The following FRMD6 variants were observed in gnomAD, a reference collection of about 807,000 sequenced individuals.
The protein encoded by FRMD6 is FERM domain containing 6.
In FRMD6, 37 loss-of-function variants were observed where a neutral mutation model predicts 73.2. The ratio of observed to expected loss-of-function variants is 0.51; its 90% CI spans 0.39 to 0.66. The LOEUF (loss-of-function observed/expected upper bound fraction) is 0.66. FRMD6 is among the 30% of genes least tolerant of loss of function. The pLI, the probability that FRMD6 is intolerant of heterozygous loss-of-function variation, is 0.00. For missense variants in FRMD6, 714 were observed against 780.5 expected (o/e 0.91, Z 1.02); for synonymous variants, 273 against 282.2 (o/e 0.97, Z 0.33).
At chr14:51,526,808 T>C (rs1885281851) in intron 1 of FRMD6, among the ~76,000 whole-genome samples, 1 of 152,246 alleles carries the variant, frequency 6.6e-6, no homozygotes, top group African/African-American at 2.4e-5. Flanking sequence ...CGTTGAATTG[T>C]AAGGGCTTTG....
chr14:51,506,130 T>C (rs1029518400), intron 1 of FRMD6, among the ~76,000 whole-genome samples: 11 of 152,226 alleles, frequency 7.2e-5, no homozygotes, highest in African/African-American at 2.7e-4. Context: ...ACACTGCTTA[T>C]GCTCTTTCCT....
intron 1 of FRMD6, among the ~76,000 whole-genome samples, chr14:51,568,354 T>G (rs1887896955): frequency 6.6e-6 from 1 of 152,244 alleles, no homozygotes. Flanking sequence ...TTACAGTGTT[T>G]TGGAGGAGTA....
chr14:51,467,257 C>T, the FRMD6 span, among the ~76,000 whole-genome samples: 1 of 152,158 alleles, frequency 6.6e-6, no homozygotes, highest in Admixed American at 6.5e-5. Flanking sequence ...GGACACAGCA[C>T]ATGTTTCAGA....
At chr14:51,644,680 TCTC>T (rs964022555) in intron 2 of FRMD6, among the ~76,000 whole-genome samples, 10 of 152,198 alleles carry the variant, frequency 6.6e-5, no homozygotes, top group Non-Finnish European at 1.0e-4. Flanking sequence ...TATTAATGTG[TCTC>T]CTCATTATCC....
chr14:51,678,099 T>C (rs565916831), intron 1 of FRMD6, among the ~76,000 whole-genome samples: 20 of 152,300 alleles, frequency 1.3e-4, no homozygotes, highest in African/African-American at 4.8e-4. Flanking sequence ...ATCTAGTGCT[T>C]ACCATATGCC....
chr14:51,514,157 G>A (rs1158719870), intron 1 of FRMD6, among the ~76,000 whole-genome samples: 1 of 152,104 alleles, frequency 6.6e-6, no homozygotes, highest in East Asian at 1.9e-4. Flanking sequence ...TTTGACCCTG[G>A]TTACAGCTAA....
chr14:51,444,175 C>T, the FRMD6 span, among the ~76,000 whole-genome samples: 2 of 152,328 alleles, frequency 1.3e-5, no homozygotes, highest in South Asian at 2.1e-4. Context: ...GTGATCCACC[C>T]GCCTTGGCCT....
chr14:51,554,245 A>G (rs1886997287), intron 1 of FRMD6, among the ~76,000 whole-genome samples: 1 of 152,182 alleles, frequency 6.6e-6, no homozygotes, highest in Admixed American at 6.5e-5. Flanking sequence ...CAAAATAAAT[A>G]TCCATGAGTC....
intron 1 of FRMD6, among the ~76,000 whole-genome samples, chr14:51,494,124 T>G (rs1304873324): frequency 6.6e-6 from 1 of 150,698 alleles, no homozygotes. Context: ...TCTGTCCCAG[T>G]CCCCCAAAAT....
At chr14:51,563,985 A>T (rs1374907699) in intron 1 of FRMD6, among the ~76,000 whole-genome samples, 1 of 152,198 alleles carries the variant, frequency 6.6e-6, no homozygotes, top group Admixed American at 6.5e-5. Flanking sequence ...CAATTGTTTT[A>T]TTACCATTTC....
At chr14:51,652,391 C>T (rs1383960897) in intron 1 of FRMD6, among the ~76,000 whole-genome samples, 2 of 152,288 alleles carry the variant, frequency 1.3e-5, no homozygotes, top group Admixed American at 6.5e-5. Flanking sequence ...TGCGCGGTCC[C>T]TGGTTCTCTG....
chr14:51,481,830 G>A, the FRMD6 span, among the ~76,000 whole-genome samples: 1 of 152,214 alleles, frequency 6.6e-6, no homozygotes, highest in Non-Finnish European at 1.5e-5. Context: ...AATGCTTCCT[G>A]GAGTGGCTAT....
chr14:51,622,969 C>T (rs1890980660), intron 2 of FRMD6, among the ~76,000 whole-genome samples: 1 of 152,046 alleles, frequency 6.6e-6, no homozygotes, highest in African/African-American at 2.4e-5. Flanking sequence ...GGGGTCTTGC[C>T]GTGTTTCCCA....
the FRMD6 span, among the ~76,000 whole-genome samples, chr14:51,398,560 AT>A: frequency 1.2e-3 from 183 of 149,462 alleles, no homozygotes; most frequent in Admixed American, 2.5e-3. Flanking sequence ...AGCAAATTGC[AT>A]TTTTTTTTTG....
upstream of FRMD6, among the ~76,000 whole-genome samples, chr14:51,484,820 A>G (rs1882731878): frequency 6.6e-6 from 1 of 152,216 alleles, no homozygotes; most frequent in African/African-American, 2.4e-5. Context: ...TTCCTATCCA[A>G]CTGCAATGTC....
intron 2 of FRMD6, among the ~76,000 whole-genome samples, chr14:51,635,289 T>C (rs1352233107): frequency 6.6e-6 from 1 of 152,224 alleles, no homozygotes; most frequent in Non-Finnish European, 1.5e-5. Context: ...CCAGCCACTC[T>C]GGAGACTGAG....
the FRMD6 span, among the ~76,000 whole-genome samples, chr14:51,462,828 G>A: frequency 1.3e-5 from 2 of 152,100 alleles, no homozygotes; most frequent in African/African-American, 4.8e-5. Context: ...GAGAAAGGGA[G>A]AAGGGTGACT....
chr14:51,702,360 C>G (rs1896375739), intron 4 of FRMD6, 152 bp from the exon 5 acceptor site: 5 of 629,522 alleles, frequency 7.9e-6, no homozygotes, highest in Non-Finnish European at 1.4e-5. Context: ...GGACAACTGT[C>G]TACCTACTAC....
chr14:51,472,237 T>A, the FRMD6 span, among the ~76,000 whole-genome samples: 2 of 152,116 alleles, frequency 1.3e-5, no homozygotes, highest in African/African-American at 4.8e-5. Context: ...ACTGTGAAAT[T>A]TCAGAATGCT....
Sources: gnomAD v4.1 joint callset for allele counts (sites outside exome capture counted in the v4.1 genomes callset) on GRCh38, gnomAD v4.1.1 for gene constraint, MANE v1.5 for transcripts, NCBI Gene and HGNC (gene_info 2026-07-23, HGNC 2026-07-21) for gene names.